RGS6: variants seen among roughly 807,000 people sequenced by gnomAD.
RGS6 encodes regulator of G protein signaling 6, also known as regulator of G-protein signaling 6.
In RGS6, 30 loss-of-function variants were observed where a neutral mutation model predicts 78.5. That is an observed-to-expected ratio of 0.38 (90% CI 0.29 to 0.52). RGS6 has a LOEUF of 0.52. Ranked by LOEUF, RGS6 falls within the 20% of genes least tolerant of loss-of-function variation. The probability of loss-of-function intolerance (pLI) is 0.85; values close to 1 mark genes in which losing one functional copy is unlikely to be tolerated. For synonymous variants in RGS6, 206 were observed against 206.0 expected (o/e 1.00, Z 0.00); for missense variants, 495 against 609.7 (o/e 0.81, Z 1.98).
chr14:72,254,506 C>T (rs550032063), intron 2 of RGS6, among the ~76,000 whole-genome samples: 5 of 152,184 alleles, frequency 3.3e-5, no homozygotes, highest in Admixed American at 3.3e-4. Flanking sequence ...AGTCCCTGTT[C>T]TTCTCCTAGG....
At chr14:72,338,984 A>AG (rs370185433) in intron 2 of RGS6, among the ~76,000 whole-genome samples, 65 of 152,392 alleles carry the variant, frequency 4.3e-4, no homozygotes, top group African/African-American at 1.4e-3. Context: ...TTAAAAAAAT[A>AG]AAAAATAAAT....
At chr14:72,024,461 C>G (rs1437610595) in intron 2 of RGS6, among the ~76,000 whole-genome samples, 1 of 152,140 alleles carries the variant, frequency 6.6e-6, no homozygotes, top group Non-Finnish European at 1.5e-5. Context: ...CCTGCTTATC[C>G]CCTGTCCTCC....
the RGS6 span, among the ~76,000 whole-genome samples, chr14:72,597,069 T>C: frequency 6.6e-6 from 1 of 152,090 alleles, no homozygotes; most frequent in African/African-American, 2.4e-5. Flanking sequence ...TGAAACCCCT[T>C]CTCTACTAAA....
chr14:71,987,939 A>G (rs1174015477), intron 2 of RGS6, among the ~76,000 whole-genome samples: 1 of 151,698 alleles, frequency 6.6e-6, no homozygotes, highest in Non-Finnish European at 1.5e-5. Context: ...ACAATGAGAG[A>G]AAGTGCTGGC....
the RGS6 span, among the ~76,000 whole-genome samples, chr14:72,619,635 C>T: frequency 6.6e-6 from 1 of 152,194 alleles, no homozygotes; most frequent in Admixed American, 6.5e-5. Flanking sequence ...CCTGGAAGCT[C>T]ACACCTCCCG....
intron 2 of RGS6, among the ~76,000 whole-genome samples, chr14:71,985,655 G>A (rs1302861472): frequency 6.6e-6 from 1 of 152,122 alleles, no homozygotes; most frequent in Non-Finnish European, 1.5e-5. Context: ...TACAGAAAGA[G>A]GGTGAGGGGA....
the RGS6 span, among the ~76,000 whole-genome samples, chr14:71,879,062 G>A: frequency 6.6e-6 from 1 of 151,734 alleles, no homozygotes; most frequent in Non-Finnish European, 1.5e-5. Context: ...CCCTTACCTG[G>A]GTTCTCAACC....
At chr14:72,542,242 C>T (rs549846805) in intron 17 of RGS6, among the ~76,000 whole-genome samples, 1 of 152,254 alleles carries the variant, frequency 6.6e-6, no homozygotes, top group East Asian at 1.9e-4. Flanking sequence ...TGGGGTGACA[C>T]CATAGCCCCA....
At chr14:71,884,488 C>T in the RGS6 span, among the ~76,000 whole-genome samples, 1 of 152,174 alleles carries the variant, frequency 6.6e-6, no homozygotes, top group Admixed American at 6.5e-5. Context: ...TACTTCAGTT[C>T]ATTTTAGAAC....
chr14:72,191,632 G>T (rs906867657), intron 2 of RGS6, among the ~76,000 whole-genome samples: 1 of 152,156 alleles, frequency 6.6e-6, no homozygotes, highest in Non-Finnish European at 1.5e-5. Context: ...ACTATCACGA[G>T]AACAGCATGG....
intron 2 of RGS6, among the ~76,000 whole-genome samples, chr14:72,195,601 A>C (rs1045395198): frequency 6.6e-6 from 1 of 152,200 alleles, no homozygotes; most frequent in Non-Finnish European, 1.5e-5. Context: ...GCTTGAACGA[A>C]GAGCTGAAGA....
chr14:72,325,096 C>T (rs2073343023), intron 2 of RGS6, among the ~76,000 whole-genome samples: 1 of 152,230 alleles, frequency 6.6e-6, no homozygotes. Context: ...TTGCATTTCT[C>T]TGATGGCCAG....
At chr14:72,251,380 A>G (rs2055731539) in intron 2 of RGS6, among the ~76,000 whole-genome samples, 1 of 152,178 alleles carries the variant, frequency 6.6e-6, no homozygotes, top group Admixed American at 6.5e-5. Context: ...TTCTTTTAGA[A>G]AAAGTTTTCT....
At chr14:72,541,598 A>C in intron 17 of RGS6, 4 of 1,535,026 alleles carry the variant, frequency 2.6e-6, no homozygotes, top group Non-Finnish European at 3.5e-6. Context: ...GACTTCCTTC[A>C]CTCCATGATG....
At chr14:72,512,817 C>T (rs2096895188) in intron 14 of RGS6, among the ~76,000 whole-genome samples, 2 of 152,236 alleles carry the variant, frequency 1.3e-5, no homozygotes, top group Non-Finnish European at 2.9e-5. Context: ...CCATTGCGTT[C>T]ATCCCTTCAG....
chr14:72,007,555 C>T (rs1348401084), intron 2 of RGS6, among the ~76,000 whole-genome samples: 9 of 152,266 alleles, frequency 5.9e-5, no homozygotes, highest in East Asian at 3.9e-4. Context: ...AAACATTATG[C>T]GTGGACCTTT....
rs766470696 is a variant in RGS6, at chr14:72,246,422, G to A, written c.85-105673G>A. ...CCTTGTAGCATTTATTCCTTTGGAC[G>A]TGTTTCTTTTATGCTCTCCTTCTCC... On this transcript the variant is annotated intron_variant, in intron 2 of 17. Transcript: ENST00000553525. Among the ~76,000 whole-genome samples the A allele has an allele frequency of 5.3e-5, 8 of 152,142 alleles. No homozygotes were observed. The East Asian group carries it at 7.7e-4, about 15-fold the overall frequency.
At chr14:72,476,496 C>A (rs114526340) in intron 10 of RGS6, among the ~76,000 whole-genome samples, 88 of 152,320 alleles carry the variant, frequency 5.8e-4, no homozygotes, top group Middle Eastern at 3.4e-3. Flanking sequence ...TGGAGAAACA[C>A]TGAGATACAA....
At chr14:72,186,792 G>A (rs1490356864) in intron 2 of RGS6, among the ~76,000 whole-genome samples, 2 of 152,194 alleles carry the variant, frequency 1.3e-5, no homozygotes, top group South Asian at 4.2e-4. Flanking sequence ...AACAGATGCT[G>A]ATGCCGAATA....
Sources: gnomAD v4.1 joint callset for allele counts (sites outside exome capture counted in the v4.1 genomes callset) on GRCh38, gnomAD v4.1.1 for gene constraint, MANE v1.5 for transcripts, NCBI Gene and HGNC (gene_info 2026-07-23, HGNC 2026-07-21) for gene names.